The following SPPL3 variants were observed in gnomAD, a reference collection of about 807,000 sequenced individuals.
SPPL3 encodes signal peptide peptidase-like 3.
Under a neutral mutation model 42.4 loss-of-function variants are expected in SPPL3, and 5 were observed. The ratio of observed to expected loss-of-function variants is 0.12; its 90% CI spans 0.06 to 0.25. The LOEUF is 0.25. Among genes scored for constraint, SPPL3 ranks in the 10% least tolerant of loss-of-function variants. The pLI is 1.00. For synonymous variants in SPPL3, 195 were observed against 181.8 expected, an observed-to-expected ratio of 1.07 and a Z score of -0.58; for missense variants, 235 against 489.0, an observed-to-expected ratio of 0.48 and a Z score of 4.90.
chr12:120,890,032 G>A (rs60441312), intron 1 of SPPL3, among the ~76,000 whole-genome samples: 274 of 150,848 alleles, frequency 1.8e-3, no homozygotes, highest in African/African-American at 6.1e-3. Flanking sequence ...GATCACCTGA[G>A]GTCGGGAGTT....
intron 3 of SPPL3, among the ~76,000 whole-genome samples, chr12:120,784,808 ATTTG>A (rs1869663463): frequency 6.6e-6 from 1 of 152,036 alleles, no homozygotes; most frequent in Admixed American, 6.5e-5. Context: ...ACTCAGGAAT[ATTTG>A]TTGAAGTGAA....
At chr12:120,839,776 C>T (rs1440417050) in intron 1 of SPPL3, among the ~76,000 whole-genome samples, 1 of 151,910 alleles carries the variant, frequency 6.6e-6, no homozygotes, top group East Asian at 1.9e-4. Context: ...TTGTTAAACA[C>T]AGAGTTACCA....
At chr12:120,820,693 A>G (rs1264121398) in intron 1 of SPPL3, among the ~76,000 whole-genome samples, 2 of 152,218 alleles carry the variant, frequency 1.3e-5, no homozygotes, top group African/African-American at 4.8e-5. Flanking sequence ...AAAGGAAAAA[A>G]CCAAATATGT....
At chr12:120,896,604 T>C (rs1291983137) in intron 1 of SPPL3, among the ~76,000 whole-genome samples, 1 of 151,992 alleles carries the variant, frequency 6.6e-6, no homozygotes, top group African/African-American at 2.4e-5. Flanking sequence ...TGAAATCCTG[T>C]CTCTACTAAA....
At chr12:120,801,326 C>G (rs75855218) in intron 2 of SPPL3, among the ~76,000 whole-genome samples, 1 of 152,212 alleles carries the variant, frequency 6.6e-6, no homozygotes, top group Non-Finnish European at 1.5e-5. Context: ...TGTCTCACCA[C>G]CATAACCTGA....
chr12:120,885,849 C>CTTT (rs142907503), intron 1 of SPPL3, among the ~76,000 whole-genome samples: 19 of 121,582 alleles, frequency 1.6e-4, no homozygotes, highest in African/African-American at 3.8e-4. Context: ...AACATTAAAA[C>CTTT]TTTTTTTTTT....
chr12:120,885,718 T>G (rs749810442), intron 1 of SPPL3, among the ~76,000 whole-genome samples: 1 of 152,004 alleles, frequency 6.6e-6, no homozygotes, highest in East Asian at 1.9e-4. Flanking sequence ...CACAACTCAA[T>G]TGCCTCCAGG....
intron 1 of SPPL3, among the ~76,000 whole-genome samples, chr12:120,835,023 G>T (rs1243647405): frequency 6.6e-6 from 1 of 152,092 alleles, no homozygotes; most frequent in Admixed American, 6.5e-5. Flanking sequence ...TAACATTCTT[G>T]CCTCATTTTG....
intron 1 of SPPL3, among the ~76,000 whole-genome samples, chr12:120,876,608 C>A (rs2137053726): frequency 1.9e-5 from 1 of 51,964 alleles, no homozygotes; most frequent in Non-Finnish European, 3.4e-5. Flanking sequence ...CAGAGCGAGA[C>A]TCTGTCTCAA....
At chr12:120,898,313 TTA>T (rs1491446267) in intron 1 of SPPL3, among the ~76,000 whole-genome samples, 105 of 98,722 alleles carry the variant, frequency 1.1e-3, no homozygotes, top group African/African-American at 3.6e-3. Flanking sequence ...TTTTTTTTTT[TTA>T]AAAAAAAAAA....
At chr12:120,800,650 AT>A (rs893727867) in intron 2 of SPPL3, among the ~76,000 whole-genome samples, 16 of 151,262 alleles carry the variant, frequency 1.1e-4, no homozygotes, top group South Asian at 8.4e-4. Context: ...ATTATATGCT[AT>A]TTTTTTTTGT....
At chr12:120,851,022 G>C (rs922343271) in intron 1 of SPPL3, among the ~76,000 whole-genome samples, 5 of 152,156 alleles carry the variant, frequency 3.3e-5, no homozygotes, top group African/African-American at 1.2e-4. Flanking sequence ...ATAGGTTCTA[G>C]AGATTAGGAC....
chr12:120,891,544 T>C (rs1053023947), intron 1 of SPPL3, among the ~76,000 whole-genome samples: 2 of 152,146 alleles, frequency 1.3e-5, no homozygotes. Context: ...TAAAAAAATT[T>C]TTTTAGCTTT....
At chr12:120,783,001 T>C (rs78368751) in intron 5 of SPPL3, among the ~76,000 whole-genome samples, 2 of 152,192 alleles carry the variant, frequency 1.3e-5, no homozygotes, top group Admixed American at 6.5e-5. Flanking sequence ...ATTTAGAAGT[T>C]TGAAGTGATA....
intron 1 of SPPL3, among the ~76,000 whole-genome samples, chr12:120,858,257 G>T (rs1872521502): frequency 6.6e-6 from 1 of 152,122 alleles, no homozygotes; most frequent in African/African-American, 2.4e-5. Flanking sequence ...GTGGTCAGAA[G>T]TTCAAGATCA....
At chr12:120,773,045 A>C (rs758511902) in intron 6 of SPPL3, among the ~76,000 whole-genome samples, 4 of 152,220 alleles carry the variant, frequency 2.6e-5, no homozygotes, top group Non-Finnish European at 4.4e-5. Context: ...AAATGAACCT[A>C]ATGAAATGTA....
At position 120,848,416 on chromosome 12, in the gene SPPL3, A is replaced by G. The variant is rs148729732; in HGVS notation, c.24-37530T>C. ...AGACCTCAAGTTAAAGTGCTTGAAC[A>G]TGGCAGGGAGCCCAAGAAGGGTGGA... On this transcript the variant is annotated intron_variant, in intron 1 of 10. Coordinates refer to ENST00000353487, the MANE Select transcript of SPPL3 (RefSeq NM_139015.5). Among the ~76,000 whole-genome samples the G allele has an allele frequency of 2.4e-3, 373 of 152,306 alleles. 2 individuals carry two copies. Among genetic ancestry groups the G allele is most frequent in the African/African-American group, 8.4e-3 (350 of 41,558 alleles).
chr12:120,799,460 A>C (rs184410282), intron 2 of SPPL3, among the ~76,000 whole-genome samples: 62 of 152,322 alleles, frequency 4.1e-4, no homozygotes, highest in Admixed American at 3.7e-3. Flanking sequence ...CTGTAGCAGA[A>C]AGTAGTGGTC....
At chr12:120,838,713 T>C (rs552671621) in intron 1 of SPPL3, among the ~76,000 whole-genome samples, 1 of 152,338 alleles carries the variant, frequency 6.6e-6, no homozygotes, top group South Asian at 2.1e-4. Context: ...TGGTATCTAA[T>C]AGTTACCATT....
Sources: allele counts gnomAD v4.1 joint callset (sites outside exome capture counted in the v4.1 genomes callset), GRCh38; gene constraint gnomAD v4.1.1; transcripts MANE v1.5; gene names NCBI Gene and HGNC (gene_info 2026-07-23, HGNC 2026-07-21).